EGFR: variants seen among roughly 807,000 people sequenced by gnomAD.
EGFR encodes the protein avian erythroblastic leukemia viral (v-erb-b) oncogene homolog.
Under a neutral mutation model 143.0 loss-of-function variants are expected in EGFR, and 58 were observed. The observed-to-expected ratio is 0.41, with a 90% CI of 0.33 to 0.50. The LOEUF is 0.50. EGFR is among the 20% of genes least tolerant of loss of function. The probability of loss-of-function intolerance (pLI) is 0.39; values close to 1 mark genes in which losing one functional copy is unlikely to be tolerated. For synonymous variants in EGFR, 613 were observed against 594.4 expected (o/e 1.03, Z -0.45); for missense variants, 1,307 against 1,579.0 (o/e 0.83, Z 2.92).
chr7:55,032,880 A>G (rs1242244659), intron 1 of EGFR, among the ~76,000 whole-genome samples: 1 of 152,154 alleles, frequency 6.6e-6, no homozygotes, highest in Non-Finnish European at 1.5e-5. Context: ...TCAGCCAGGA[A>G]TTTACTACCT....
intron 19 of EGFR, 48 bp downstream of exon 19, chr7:55,174,868 G>A (rs748721840): frequency 6.8e-7 from 1 of 1,481,310 alleles, no homozygotes; most frequent in South Asian, 1.1e-5. Context: ...TGAACCTCAG[G>A]CCCACCTTTT....
chr7:55,042,497 C>T (rs1160492807), intron 1 of EGFR, among the ~76,000 whole-genome samples: 3 of 152,126 alleles, frequency 2.0e-5, no homozygotes, highest in Non-Finnish European at 4.4e-5. Context: ...GTATCCTATG[C>T]TTTTTTACAC....
intron 6 of EGFR, 77 bp from the exon 7 acceptor site, chr7:55,153,934 A>C: frequency 1.9e-6 from 3 of 1,606,300 alleles, no homozygotes; most frequent in Non-Finnish European, 2.6e-6. Flanking sequence ...GGGAGTCAAC[A>C]CCGTGCTGCG....
intron 1 of EGFR, among the ~76,000 whole-genome samples, chr7:55,061,768 C>T (rs1789197892): frequency 6.6e-6 from 1 of 152,084 alleles, no homozygotes; most frequent in African/African-American, 2.4e-5. Context: ...GAAAGGTAGA[C>T]TGACTCTGAC....
At chr7:55,073,451 C>G (rs945433629) in intron 1 of EGFR, among the ~76,000 whole-genome samples, 1 of 152,190 alleles carries the variant, frequency 6.6e-6, no homozygotes, top group Non-Finnish European at 1.5e-5. Flanking sequence ...GTGATCAATG[C>G]TTTTCTCAGT....
At position 55,203,807 on chromosome 7, in the gene EGFR, C is replaced by T. The variant is rs73136861; in HGVS notation, c.3271+1182C>T. ...TATACACACCCACACCCCACACACA[C>T]ATGTATAAAGATTTAGATATATATA... is the stretch of plus-strand genomic sequence containing the variant. On this transcript the variant is annotated intron_variant, in intron 27 of 27. Transcript: ENST00000275493. Among the ~76,000 whole-genome samples the T allele has an allele frequency of 2.0e-5, 3 of 151,452 alleles. No homozygotes were observed. The East Asian group carries it at 5.8e-4, about 29-fold the overall frequency.
At chr7:55,080,752 G>A (rs941160293) in intron 1 of EGFR, among the ~76,000 whole-genome samples, 2 of 152,186 alleles carry the variant, frequency 1.3e-5, no homozygotes, top group Admixed American at 1.3e-4. Context: ...GCTTGATGTA[G>A]CCATTCCACA....
intron 1 of EGFR, among the ~76,000 whole-genome samples, chr7:55,075,691 C>A (rs1024878795): frequency 1.3e-5 from 2 of 152,186 alleles, no homozygotes; most frequent in African/African-American, 4.8e-5. Flanking sequence ...ACCCAGAGCC[C>A]TCAGAGGCCA....
chr7:55,170,319 G>A (rs567073985), intron 15 of EGFR: 3 of 1,614,052 alleles, frequency 1.9e-6, no homozygotes, highest in African/African-American at 1.3e-5. Flanking sequence ...CAGGAAATGA[G>A]AGTCTCAAAG....
In EGFR at chr7:55,205,961, C is replaced by A. The variant is rs1390977468; in HGVS notation, c.*344C>A. The A allele has an allele frequency of 4.9e-6, 2 of 411,350 alleles. No individual in the cohort carries two copies. Among genetic ancestry groups the A allele is most frequent in the Non-Finnish European group, 4.5e-6 (1 of 224,540 alleles). The allele number at this position is 411,350 out of a possible 1,614,324, so 25.5% of individuals were successfully genotyped here. On this transcript the variant is annotated 3_prime_UTR_variant, in exon 28 of 28. Transcript: ENST00000275493. ...TGGGGATCTTGGAGTTTTTCATTGTCGCTATTGATTTTTACTTCAATGGGC... is the reference window on the plus strand; with the variant it reads ...TGGGGATCTTGGAGTTTTTCATTGTAGCTATTGATTTTTACTTCAATGGGC...
chr7:55,161,821 A>C (rs1584193559), intron 13 of EGFR, among the ~76,000 whole-genome samples, 190 bp downstream of exon 13: 2 of 152,240 alleles, frequency 1.3e-5, no homozygotes, highest in Admixed American at 1.3e-4. Context: ...AAATTTAAGC[A>C]CAATAGGAAA....
intron 1 of EGFR, among the ~76,000 whole-genome samples, chr7:55,036,469 G>A (rs190510717): frequency 6.6e-6 from 1 of 152,066 alleles, no homozygotes; most frequent in Non-Finnish European, 1.5e-5. Context: ...TTCAGGGAGT[G>A]CACACTTTTG....
chr7:55,078,454 GC>G (rs562299708), intron 1 of EGFR, among the ~76,000 whole-genome samples: 131 of 152,330 alleles, frequency 8.6e-4, no homozygotes, highest in African/African-American at 3.0e-3. Context: ...TGTGCTAGCT[GC>G]ACCAACCCTG....
At chr7:55,150,367 C>A (rs960757669) in intron 4 of EGFR, among the ~76,000 whole-genome samples, 3 of 152,200 alleles carry the variant, frequency 2.0e-5, no homozygotes, top group African/African-American at 7.2e-5. Flanking sequence ...CCAGCCTCCC[C>A]GGCCTTCATG....
intron 1 of EGFR, among the ~76,000 whole-genome samples, chr7:55,051,532 A>G (rs1788488812): frequency 6.6e-6 from 1 of 152,094 alleles, no homozygotes; most frequent in Non-Finnish European, 1.5e-5. Context: ...GACCCTCCCC[A>G]GATGCTGGCA....
chr7:55,037,892 G>C (rs1377590938), intron 1 of EGFR, among the ~76,000 whole-genome samples: 2 of 152,130 alleles, frequency 1.3e-5, no homozygotes, highest in Non-Finnish European at 2.9e-5. Context: ...AACTAAGAAG[G>C]ATATTTGGCT....
intron 27 of EGFR, 166 bp downstream of exon 27, chr7:55,202,791 T>C: frequency 1.4e-6 from 1 of 723,872 alleles, no homozygotes; most frequent in South Asian, 1.5e-5. Flanking sequence ...GATAAACACA[T>C]GACCGAGCCT....
At chr7:55,123,042 G>A (rs1387481076) in intron 1 of EGFR, among the ~76,000 whole-genome samples, 2 of 152,234 alleles carry the variant, frequency 1.3e-5, no homozygotes, top group African/African-American at 2.4e-5. Context: ...TATTTTAGAA[G>A]GATGACCAGG....
rs1199458858 is a variant in EGFR at position 55,169,103 on chromosome 7, C to CT, written c.1881-2060dup. Among the ~76,000 whole-genome samples the CT allele has an allele frequency of 4.0e-3, 583 of 147,012 alleles. 1 individual carries two copies. Among genetic ancestry groups the CT allele is most frequent in the African/African-American group, 0.011 (451 of 40,072 alleles). ...AGGAACCCTGGAGGAATAGCTATTT[C>CT]TTTTTTTTTTTTGTCGAGACGGAGT... On this transcript the variant is annotated intron_variant, in intron 15 of 27. Coordinates refer to ENST00000275493, the MANE Select transcript of EGFR (RefSeq NM_005228.5).
Sources: allele counts gnomAD v4.1 joint callset (sites outside exome capture counted in the v4.1 genomes callset), GRCh38; gene constraint gnomAD v4.1.1; transcripts MANE v1.5; gene names NCBI Gene and HGNC (gene_info 2026-07-23, HGNC 2026-07-21).